The following NMNAT1 variants were observed in gnomAD, a reference collection of about 807,000 sequenced individuals.
NMNAT1 encodes nicotinamide/nicotinic acid mononucleotide adenylyltransferase 1.
A neutral mutation model predicts 16.7 loss-of-function variants in NMNAT1; 11 were observed. The ratio of observed to expected loss-of-function variants is 0.66; its 90% CI spans 0.41 to 1.09. The LOEUF (loss-of-function observed/expected upper bound fraction) is 1.09. Among genes scored for constraint, NMNAT1 ranks in the 50% least tolerant of loss-of-function variants. The pLI is 0.00. For synonymous variants in NMNAT1, 110 were observed against 119.8 expected (o/e 0.92, Z 0.53); for missense variants, 280 against 332.3 (o/e 0.84, Z 1.22).
At chr1:9,988,208 G>A (rs1319926386), downstream of NMNAT1, among the ~76,000 whole-genome samples, 4 of 151,994 alleles carry the variant, frequency 2.6e-5, no homozygotes, top group Non-Finnish European at 4.4e-5. Flanking sequence ...ATGTTGGCCC[G>A]GCTGATCTCA....
chr1:9,965,063 A>G (rs1641510451), intron 1 of NMNAT1, among the ~76,000 whole-genome samples: 1 of 152,004 alleles, frequency 6.6e-6, no homozygotes, highest in Non-Finnish European at 1.5e-5. Flanking sequence ...TCATGCCTGT[A>G]ATTCCAGCAC....
intron 3 of NMNAT1, among the ~76,000 whole-genome samples, chr1:9,976,835 C>A (rs151129232): frequency 3.7e-4 from 56 of 151,448 alleles, no homozygotes; most frequent in Middle Eastern, 3.4e-3. Context: ...CCTTGTTGGC[C>A]AGGCTGGTCT....
Position 9,982,737 on chromosome 1 carries a change from G to A in NMNAT1, c.*36G>A. The A allele has an allele frequency of 1.9e-6, 3 of 1,547,574 alleles. No homozygotes were observed. Among genetic ancestry groups the A allele is most frequent in the Non-Finnish European group, 1.7e-6 (2 of 1,147,016 alleles). On this transcript the variant is annotated 3_prime_UTR_variant, in exon 5 of 5. Transcript: ENST00000377205. ...GCATGATATTTCAGACTTCCCATTT[G>A]GGGATCTGAAACAATCTGGGAGTTA...
the NMNAT1 span, among the ~76,000 whole-genome samples, chr1:9,992,422 C>T: frequency 2.2e-4 from 34 of 151,970 alleles, no homozygotes; most frequent in Non-Finnish European, 1.8e-4. Context: ...ACCTAGTTGA[C>T]GAAAACGGTT....
intron 1 of NMNAT1, among the ~76,000 whole-genome samples, chr1:9,953,054 C>G (rs956016972): frequency 4.0e-5 from 6 of 150,636 alleles, no homozygotes; most frequent in Admixed American, 3.3e-4. Flanking sequence ...GATCTTGACT[C>G]ACTGCAACCT....
At chr1:9,965,777 A>T (rs1641527933) in intron 1 of NMNAT1, among the ~76,000 whole-genome samples, 1 of 151,758 alleles carries the variant, frequency 6.6e-6, no homozygotes, top group African/African-American at 2.4e-5. Flanking sequence ...GCAGGAGGCC[A>T]GGAATCTGAG....
At position 9,959,271 on chromosome 1, in the gene NMNAT1, C is replaced by G. The variant is rs540915691; in HGVS notation, c.-56-12747C>G. Among the ~76,000 whole-genome samples the G allele has an allele frequency of 3.3e-5, 5 of 149,696 alleles. No individual in the cohort carries two copies. In the East Asian group the frequency reaches 9.8e-4, roughly 29 times the overall value. ...CCTGTAATCCCAGCTACTCAGGAGG[C>G]TGAAGCAGAAGAATCGCTTGAACCC... On this transcript the variant is annotated intron_variant, in intron 1 of 4. Coordinates refer to ENST00000377205, the MANE Select transcript of NMNAT1 (RefSeq NM_022787.4).
downstream of NMNAT1, among the ~76,000 whole-genome samples, chr1:9,988,567 G>A (rs1467346859): frequency 6.6e-6 from 1 of 151,892 alleles, no homozygotes; most frequent in Admixed American, 6.6e-5. Flanking sequence ...GCCAGGCATG[G>A]TGGCAGGCAC....
intron 1 of NMNAT1, among the ~76,000 whole-genome samples, chr1:9,966,755 T>C (rs1258920668): frequency 6.6e-6 from 1 of 152,160 alleles, no homozygotes; most frequent in Non-Finnish European, 1.5e-5. Context: ...GATACTGTCA[T>C]CACTGGGCAT....
At chr1:9,988,522 G>T (rs1311974273), downstream of NMNAT1, among the ~76,000 whole-genome samples, 2 of 151,876 alleles carry the variant, frequency 1.3e-5, no homozygotes, top group East Asian at 3.9e-4. Context: ...CCAACATGGT[G>T]AAACCCCGTC....
chr1:9,980,612 C>G (rs1199832872), intron 3 of NMNAT1, among the ~76,000 whole-genome samples: 3 of 151,768 alleles, frequency 2.0e-5, no homozygotes, highest in African/African-American at 7.3e-5. Context: ...CAGAGCAAGA[C>G]ACCATCTCAA....
intron 1 of NMNAT1, among the ~76,000 whole-genome samples, chr1:9,944,063 G>T (rs1284174739): frequency 3.9e-5 from 6 of 151,934 alleles, no homozygotes; most frequent in Admixed American, 6.6e-5. Context: ...GACCAGCCTG[G>T]CCAACATAGT....
intron 1 of NMNAT1, among the ~76,000 whole-genome samples, chr1:9,966,828 C>T (rs192928798): frequency 1.1e-3 from 171 of 152,164 alleles, no homozygotes; most frequent in Admixed American, 2.2e-3. Context: ...GCAGGTTACA[C>T]ATAAAGGAAC....
Position 9,982,738 on chromosome 1 carries a change from G to T in NMNAT1, c.*37G>T. ...CATGATATTTCAGACTTCCCATTTGGGGATCTGAAACAATCTGGGAGTTAA... is the reference window on the plus strand; with the variant it reads ...CATGATATTTCAGACTTCCCATTTGTGGATCTGAAACAATCTGGGAGTTAA... On this transcript the variant is annotated 3_prime_UTR_variant, in exon 5 of 5. Coordinates refer to ENST00000377205, the MANE Select transcript of NMNAT1 (RefSeq NM_022787.4). The T allele has an allele frequency of 6.5e-7, 1 of 1,547,132 alleles. No homozygotes were observed. Among genetic ancestry groups the T allele is most frequent in the South Asian group, 1.3e-5 (1 of 79,950 alleles).
intron 2 of NMNAT1, among the ~76,000 whole-genome samples, chr1:9,975,327 C>T (rs1169701518): frequency 6.6e-6 from 1 of 152,022 alleles, no homozygotes; most frequent in Non-Finnish European, 1.5e-5. Context: ...ATGGTAAAAA[C>T]CCCATCTCTA....
intron 1 of NMNAT1, among the ~76,000 whole-genome samples, chr1:9,947,883 C>G (rs1233290478): frequency 6.6e-6 from 1 of 152,192 alleles, no homozygotes; most frequent in East Asian, 1.9e-4. Flanking sequence ...ATTCTGTTTT[C>G]AGCTTCAACT....
At chr1:9,968,418 C>T (rs1641608914) in intron 1 of NMNAT1, among the ~76,000 whole-genome samples, 1 of 150,876 alleles carries the variant, frequency 6.6e-6, no homozygotes, top group African/African-American at 2.4e-5. Flanking sequence ...TTCATTTAAT[C>T]CTCACAACAA....
At chr1:9,951,957 A>T (rs1157186185) in intron 1 of NMNAT1, among the ~76,000 whole-genome samples, 1 of 152,174 alleles carries the variant, frequency 6.6e-6, no homozygotes, top group Non-Finnish European at 1.5e-5. Context: ...TCAGTAGAAA[A>T]TAAATATTGA....
chr1:9,995,128 G>A, the NMNAT1 span, among the ~76,000 whole-genome samples: 2 of 152,102 alleles, frequency 1.3e-5, no homozygotes, highest in Admixed American at 1.3e-4. Flanking sequence ...TGGACACAGT[G>A]GCTTACACCT....
Sources: gnomAD v4.1 joint callset for allele counts (sites outside exome capture counted in the v4.1 genomes callset) on GRCh38, gnomAD v4.1.1 for gene constraint, MANE v1.5 for transcripts, NCBI Gene and HGNC (gene_info 2026-07-23, HGNC 2026-07-21) for gene names.